The following DDHD1 variants were observed in gnomAD, a reference collection of about 807,000 sequenced individuals.
DDHD1 encodes the protein DDHD domain containing 1.
In DDHD1, 49 loss-of-function variants were observed where a neutral mutation model predicts 96.4. The ratio of observed to expected loss-of-function variants is 0.51; its 90% CI spans 0.40 to 0.64. DDHD1 has a LOEUF of 0.64. Among genes scored for constraint, DDHD1 ranks in the 30% least tolerant of loss-of-function variants. DDHD1 has a pLI of 0.00. For missense variants in DDHD1, 1,106 were observed against 1,161.2 expected (o/e 0.95, Z 0.69); for synonymous variants, 442 against 446.5 (o/e 0.99, Z 0.13).
intron 4 of DDHD1, among the ~76,000 whole-genome samples, chr14:53,079,786 A>G (rs777458088): frequency 3.3e-5 from 5 of 152,214 alleles, no homozygotes; most frequent in Non-Finnish European, 7.3e-5. Flanking sequence ...TTATCAAGCC[A>G]TCTCTTACTG....
intron 1 of DDHD1, among the ~76,000 whole-genome samples, chr14:53,124,704 T>A (rs926428907): frequency 6.6e-6 from 1 of 152,250 alleles, no homozygotes; most frequent in Non-Finnish European, 1.5e-5. Context: ...GTAAGGGTTT[T>A]AAAACCTGCA....
chr14:53,098,048 G>A (rs1174967440), intron 2 of DDHD1, among the ~76,000 whole-genome samples: 3 of 151,904 alleles, frequency 2.0e-5, no homozygotes, highest in Admixed American at 2.0e-4. Flanking sequence ...AGAATTAGGG[G>A]TACTATGATA....
intron 1 of DDHD1, among the ~76,000 whole-genome samples, chr14:53,143,634 A>C (rs897937745): frequency 6.6e-6 from 1 of 152,204 alleles, no homozygotes; most frequent in African/African-American, 2.4e-5. Context: ...ACAACAAAGG[A>C]AGGAGGAAGT....
chr14:53,121,743 G>A lies in DDHD1; in HGVS notation c.839-17887C>T, dbSNP rs1889007247. 2.0e-5 allele frequency among the ~76,000 whole-genome samples: 3 copies of A among 152,232 alleles called. No homozygotes were observed. The South Asian group carries it at 6.2e-4, about 32-fold the overall frequency. On this transcript the variant is annotated intron_variant, in intron 1 of 12. Transcript: ENST00000673822. ...TGAACAATGAGAACACATGGATACA[G>A]GGAGGAGAACATCACACACCAGGGG...
rs762226136 is a variant in DDHD1, at chr14:53,091,978, T to C, written c.1142-46A>G. ...TAAGTTTACTATTTAATCTGAGAAA[T>C]AGCATTTCCACAATATGTTAAAAGA... is the stretch of plus-strand genomic sequence containing the variant. On this transcript the variant is annotated intron_variant, in intron 3 of 12. Coordinates refer to ENST00000673822, the MANE Select transcript of DDHD1 (RefSeq NM_001160148.2). 88 of 1,540,882 alleles carry C rather than the reference T, an allele frequency of 5.7e-5. No individual in the cohort carries two copies. The South Asian group carries it at 7.6e-4, about 13-fold the overall frequency.
intron 4 of DDHD1, among the ~76,000 whole-genome samples, chr14:53,090,796 A>T (rs1442258552): frequency 2.0e-5 from 3 of 152,164 alleles, no homozygotes; most frequent in Non-Finnish European, 2.9e-5. Flanking sequence ...GGGTACAGCA[A>T]ACCAACGTGG....
At chr14:53,074,119 C>T (rs1159046240) in intron 4 of DDHD1, among the ~76,000 whole-genome samples, 8 of 151,862 alleles carry the variant, frequency 5.3e-5, no homozygotes, top group Non-Finnish European at 1.0e-4. Context: ...ATTTTTAGTA[C>T]ACAGAATGGC....
intron 11 of DDHD1, 22 bp from the exon 12 acceptor site, chr14:53,051,949 T>C: frequency 6.5e-7 from 1 of 1,548,352 alleles, no homozygotes. Flanking sequence ...AAACACAAGA[T>C]GCTGTAAAGG....
rs55662153 is a variant in DDHD1 at position 53,068,243 on chromosome 14, C to CT, written c.1503+4353dup. On this transcript the variant is annotated intron_variant, in intron 6 of 12. Transcript: ENST00000673822. ...CCGCAGCCACTCGGCCTTTATGATA[C>CT]TTTTTTTTTTTTTTTTTTGAGATGG... Among the ~76,000 whole-genome samples, 34 of 104,452 alleles carry CT rather than the reference C, an allele frequency of 3.3e-4. 1 individual carries two copies. Among genetic ancestry groups the CT allele is most frequent in the African/African-American group, 6.6e-4 (17 of 25,730 alleles). 68.5% of individuals were successfully genotyped at this position (104,452 alleles called of 152,430 possible).
chr14:53,042,493 T>C lies in DDHD1; in HGVS notation c.*4275A>G, dbSNP rs918872526. On this transcript the variant is annotated 3_prime_UTR_variant, in exon 13 of 13. Coordinates refer to ENST00000673822, the MANE Select transcript of DDHD1 (RefSeq NM_001160148.2). ...TGCTATTTAAATGCTGACATGATAC[T>C]GTAACAGGGTTGGATTAAATGATCT... 5.3e-5 allele frequency: 8 copies of C among 152,236 alleles called. No individual in the cohort carries two copies. Among genetic ancestry groups the C allele is most frequent in the African/African-American group, 1.7e-4 (7 of 41,452 alleles). The allele number at this position is 152,236 out of a possible 1,614,324, so 9.4% of individuals were successfully genotyped here. A position where few individuals can be genotyped will look rare whatever the true frequency, so the allele number is the denominator to read the frequency against.
Position 53,117,171 on chromosome 14 carries a change from G to T in DDHD1, c.839-13315C>A, listed in dbSNP as rs375496202. On this transcript the variant is annotated intron_variant, in intron 1 of 12. Coordinates refer to ENST00000673822, the MANE Select transcript of DDHD1 (RefSeq NM_001160148.2). Reference sequence around the variant, plus strand: ...AGCAGAAAATCTAGAAGAAATAGGGGTCCCTTCCAAGATGGCCAAATAGGA... The same window carrying T: ...AGCAGAAAATCTAGAAGAAATAGGGTTCCCTTCCAAGATGGCCAAATAGGA... Among the ~76,000 whole-genome samples the T allele has an allele frequency of 6.6e-5, 10 of 152,160 alleles. No homozygotes were observed. In the East Asian group the frequency reaches 1.4e-3, roughly 21 times the overall value.
intron 2 of DDHD1, among the ~76,000 whole-genome samples, chr14:53,101,003 T>C (rs958162830): frequency 6.6e-6 from 1 of 152,190 alleles, no homozygotes; most frequent in Non-Finnish European, 1.5e-5. Flanking sequence ...GGTAGAAACC[T>C]TGTCGATTTC....
At chr14:53,089,233 T>C (rs1441587421) in intron 4 of DDHD1, among the ~76,000 whole-genome samples, 1 of 152,194 alleles carries the variant, frequency 6.6e-6, no homozygotes, top group Admixed American at 6.5e-5. Context: ...AAAATGGTCA[T>C]AATGCCAAAA....
chr14:53,085,284 C>A (rs147098904), intron 4 of DDHD1, among the ~76,000 whole-genome samples: 1 of 152,142 alleles, frequency 6.6e-6, no homozygotes, highest in Admixed American at 6.5e-5. Flanking sequence ...TCTCCCAGCA[C>A]GGGGTTTCAA....
intron 1 of DDHD1, among the ~76,000 whole-genome samples, chr14:53,134,943 A>G (rs2139854813): frequency 6.6e-6 from 1 of 152,114 alleles, no homozygotes; most frequent in South Asian, 2.1e-4. Flanking sequence ...CCTTACCCCA[A>G]AAGCTTTCTT....
intron 4 of DDHD1, among the ~76,000 whole-genome samples, chr14:53,075,531 T>A (rs1884881103): frequency 6.6e-6 from 1 of 152,116 alleles, no homozygotes; most frequent in Non-Finnish European, 1.5e-5. Context: ...AAAGAAGCTG[T>A]CTCCATTAAC....
chr14:53,116,667 G>A (rs1029647836), intron 1 of DDHD1, among the ~76,000 whole-genome samples: 2 of 152,132 alleles, frequency 1.3e-5, no homozygotes, highest in Admixed American at 6.5e-5. Context: ...GAAGTTCTTT[G>A]AAACCAATGA....
chr14:53,067,390 T>C (rs1002980435), intron 6 of DDHD1, among the ~76,000 whole-genome samples: 2 of 151,852 alleles, frequency 1.3e-5, no homozygotes, highest in Non-Finnish European at 2.9e-5. Context: ...ACTACCAGCC[T>C]CAAGTGATCT....
In DDHD1 at chr14:53,152,754, C is replaced by T; in HGVS notation, c.345G>A (p.Leu115=). Reference sequence around the variant, plus strand: ...GAGGCTGCTGCGGCGGGTGCAGCGACAAGGAGCTGCCGCCGCCGCCGCTCT... The same window carrying T: ...GAGGCTGCTGCGGCGGGTGCAGCGATAAGGAGCTGCCGCCGCCGCCGCTCT... The part of the protein sequence containing the change: ...EGESGGGGSS[L]SLHPPQQPPL... The change falls in exon 1 of 13, where the codon TTG becomes TTA. Residue 115 remains leucine (L), a synonymous_variant. Coordinates refer to ENST00000673822, the MANE Select transcript of DDHD1 (RefSeq NM_001160148.2). The T allele has an allele frequency of 6.5e-7, 1 of 1,545,288 alleles. No homozygotes were observed. The highest frequency in any genetic ancestry group is 8.7e-7 in the Non-Finnish European group (1 of 1,149,336).
Sources: gnomAD v4.1 joint callset for allele counts (sites outside exome capture counted in the v4.1 genomes callset) on GRCh38, gnomAD v4.1.1 for gene constraint, MANE v1.5 for transcripts, NCBI Gene and HGNC (gene_info 2026-07-23, HGNC 2026-07-21) for gene names.